Variants in SSBP3 observed in about 807,000 individuals in gnomAD.
SSBP3 encodes single stranded DNA binding protein 3.
SSBP3 carries 5 observed loss-of-function variants against 69.6 expected under a neutral mutation model. The observed-to-expected ratio is 0.07, with a 90% CI of 0.04 to 0.15. The LOEUF (loss-of-function observed/expected upper bound fraction) is 0.15. SSBP3 is among the 10% of genes least tolerant of loss of function. The pLI is 1.00. For synonymous variants in SSBP3, 196 were observed against 193.4 expected (o/e 1.01, Z -0.11); for missense variants, 312 against 534.0 (o/e 0.58, Z 4.10).
chr1:54,379,674 C>T (rs1647464324), intron 4 of SSBP3, among the ~76,000 whole-genome samples: 1 of 152,154 alleles, frequency 6.6e-6, no homozygotes, highest in African/African-American at 2.4e-5. Context: ...TCGGCAGGGA[C>T]AGTAGGAGAA....
intron 1 of SSBP3, chr1:54,413,254 C>G (rs1185313881): frequency 6.6e-6 from 1 of 152,188 alleles, no homozygotes; most frequent in Non-Finnish European, 1.5e-5. Flanking sequence ...CCAGCCTCCT[C>G]TAAAAATTTT....
intron 4 of SSBP3, among the ~76,000 whole-genome samples, chr1:54,339,268 G>A (rs925169517): frequency 6.6e-6 from 1 of 152,228 alleles, no homozygotes; most frequent in Non-Finnish European, 1.5e-5. Flanking sequence ...GCATAGTTAA[G>A]ATTTTTAAAG....
intron 4 of SSBP3, among the ~76,000 whole-genome samples, chr1:54,390,711 T>G (rs1478038348): frequency 3.9e-5 from 6 of 152,226 alleles, no homozygotes; most frequent in African/African-American, 1.4e-4. Flanking sequence ...TGTCATGCTG[T>G]AAAATCCCCT....
At chr1:54,336,480 G>A (rs142417108) in intron 4 of SSBP3, among the ~76,000 whole-genome samples, 1 of 152,102 alleles carries the variant, frequency 6.6e-6, no homozygotes, top group Non-Finnish European at 1.5e-5. Context: ...CGCAGGTGGG[G>A]AGGGGAGAGC....
chr1:54,366,042 A>G (rs1189854225), intron 4 of SSBP3, among the ~76,000 whole-genome samples: 1 of 152,164 alleles, frequency 6.6e-6, no homozygotes, highest in Non-Finnish European at 1.5e-5. Flanking sequence ...CCTGGCACAA[A>G]GGCAGGGCTG....
At chr1:54,291,981 AGAAG>A (rs1645616802) in intron 4 of SSBP3, among the ~76,000 whole-genome samples, 1 of 152,172 alleles carries the variant, frequency 6.6e-6, no homozygotes. Flanking sequence ...GATACAGCTG[AGAAG>A]GAAGGGAGAG....
At chr1:54,240,307 A>G (rs1345703299) in intron 13 of SSBP3, among the ~76,000 whole-genome samples, 14 of 150,410 alleles carry the variant, frequency 9.3e-5, no homozygotes, top group Non-Finnish European at 2.1e-4. Context: ...AAAATACAAA[A>G]ATTAGCCGGG....
chr1:54,310,463 C>T (rs367685868), intron 4 of SSBP3, among the ~76,000 whole-genome samples: 3 of 152,258 alleles, frequency 2.0e-5, no homozygotes, highest in East Asian at 3.9e-4. Flanking sequence ...CACGGACACA[C>T]CTTCCCAGGG....
chr1:54,263,424 G>A (rs992492783), intron 5 of SSBP3, among the ~76,000 whole-genome samples: 4 of 152,168 alleles, frequency 2.6e-5, no homozygotes, highest in African/African-American at 7.2e-5. Context: ...GTTTCCCAAC[G>A]GCTCTGAGCC....
intron 5 of SSBP3, among the ~76,000 whole-genome samples, chr1:54,259,627 T>C (rs1276030371): frequency 6.6e-6 from 1 of 152,234 alleles, no homozygotes; most frequent in East Asian, 1.9e-4. Flanking sequence ...GCTGCCTAGG[T>C]AGGGTTTCCC....
chr1:54,257,774 C>A (rs924052556), intron 6 of SSBP3, among the ~76,000 whole-genome samples: 10 of 152,070 alleles, frequency 6.6e-5, no homozygotes, highest in African/African-American at 2.2e-4. Context: ...AAATGGTGAA[C>A]CAAACTCAAA....
chr1:54,354,127 A>G (rs547908534), intron 4 of SSBP3, among the ~76,000 whole-genome samples: 1 of 152,344 alleles, frequency 6.6e-6, no homozygotes, highest in East Asian at 1.9e-4. Context: ...ACCTGATCTT[A>G]TCTAGAAAGC....
At chr1:54,334,173 G>A (rs910403339) in intron 4 of SSBP3, among the ~76,000 whole-genome samples, 8 of 152,104 alleles carry the variant, frequency 5.3e-5, no homozygotes, top group African/African-American at 1.9e-4. Context: ...CCAACATGGT[G>A]AAACCCTGTC....
intron 4 of SSBP3, among the ~76,000 whole-genome samples, chr1:54,397,083 A>G (rs1648945674): frequency 6.6e-6 from 1 of 152,216 alleles, no homozygotes; most frequent in African/African-American, 2.4e-5. Context: ...AGAAGTGTGT[A>G]TGTTTTGTGT....
At chr1:54,344,345 C>T (rs1464182867) in intron 4 of SSBP3, among the ~76,000 whole-genome samples, 1 of 152,226 alleles carries the variant, frequency 6.6e-6, no homozygotes, top group African/African-American at 2.4e-5. Flanking sequence ...ACAAAGACAG[C>T]TATGCACTGC....
chr1:54,292,821 T>C (rs1035455836), intron 4 of SSBP3, among the ~76,000 whole-genome samples: 7 of 151,974 alleles, frequency 4.6e-5, no homozygotes, highest in Non-Finnish European at 1.0e-4. Flanking sequence ...TGGTACCTGA[T>C]ACCCCTAGGA....
At chr1:54,400,132 C>T (rs918936428) in intron 4 of SSBP3, among the ~76,000 whole-genome samples, 4 of 152,102 alleles carry the variant, frequency 2.6e-5, no homozygotes, top group African/African-American at 7.2e-5. Flanking sequence ...CTTTCATGGC[C>T]GCCATATTGT....
intron 14 of SSBP3, among the ~76,000 whole-genome samples, chr1:54,233,576 G>T (rs1644427283): frequency 1.3e-5 from 2 of 148,558 alleles, no homozygotes; most frequent in Admixed American, 1.3e-4. Flanking sequence ...CGCCCCGTCG[G>T]GGAGGGAGGT....
chr1:54,373,466 G>GA lies in SSBP3; in HGVS notation c.276+28394dup, dbSNP rs953447621. Among the ~76,000 whole-genome samples, 4 of 152,032 alleles carry GA rather than the reference G, an allele frequency of 2.6e-5. No individual in the cohort carries two copies. In the East Asian group the frequency reaches 5.8e-4, roughly 22 times the overall value. Reference sequence around the variant, plus strand: ...AGAAGGGTCAGCAAAGAGTTGTTTTGAAAAAAACAGCAACAGGCTGGGCGC... The same window carrying GA: ...AGAAGGGTCAGCAAAGAGTTGTTTTGAAAAAAAACAGCAACAGGCTGGGCGC... On this transcript the variant is annotated intron_variant, in intron 4 of 17. Transcript: ENST00000610401.
Sources: gnomAD v4.1 joint callset for allele counts (sites outside exome capture counted in the v4.1 genomes callset) on GRCh38, gnomAD v4.1.1 for gene constraint, MANE v1.5 for transcripts, NCBI Gene and HGNC (gene_info 2026-07-23, HGNC 2026-07-21) for gene names.